The following SCN9A variants were observed in gnomAD, a reference collection of about 807,000 sequenced individuals.
The protein encoded by SCN9A is sodium channel protein type 9 subunit alpha.
In SCN9A, 131 loss-of-function variants were observed where a neutral mutation model predicts 187.0. The observed-to-expected ratio is 0.70, with a 90% confidence interval of 0.61 to 0.81. The LOEUF (loss-of-function observed/expected upper bound fraction) is 0.81, where lower values mean the gene tolerates loss of function less well. Ranked by LOEUF, SCN9A falls within the 30% of genes least tolerant of loss-of-function variation. The pLI, the probability that SCN9A is intolerant of heterozygous loss-of-function variation, is 0.00. For synonymous variants in SCN9A, 809 were observed against 808.6 expected (o/e 1.00, Z -0.01); for missense variants, 2,252 against 2,396.6 (o/e 0.94, Z 1.26).
intron 9 of SCN9A, among the ~76,000 whole-genome samples, chr2:166,290,908 C>T (rs1164784416): frequency 6.6e-6 from 1 of 152,098 alleles, no homozygotes; most frequent in Non-Finnish European, 1.5e-5. Context: ...TATCAATAAA[C>T]TAGGTATTGA....
At chr2:166,256,851 C>G (rs2106434982) in intron 17 of SCN9A, among the ~76,000 whole-genome samples, 1 of 151,594 alleles carries the variant, frequency 6.6e-6, no homozygotes, top group East Asian at 2.0e-4. Context: ...TCACGGAGAC[C>G]TCTTCTTTTT....
chr2:166,317,101 A>G (rs1259662964), intron 1 of SCN9A, among the ~76,000 whole-genome samples: 1 of 151,824 alleles, frequency 6.6e-6, no homozygotes. Context: ...ATTTAAATAC[A>G]CAATGCATTT....
chr2:166,335,995 G>T (rs1699616910), intron 1 of SCN9A, among the ~76,000 whole-genome samples: 1 of 152,032 alleles, frequency 6.6e-6, no homozygotes, highest in African/African-American at 2.4e-5. Context: ...ATGATTTAAA[G>T]TATACGGTAG....
intron 17 of SCN9A, among the ~76,000 whole-genome samples, chr2:166,253,791 G>A (rs962610957): frequency 8.4e-4 from 127 of 151,854 alleles, no homozygotes; most frequent in African/African-American, 2.9e-3. Context: ...GGGTTTTGAG[G>A]TAAAGCAGTG....
chr2:166,305,863 G>A lies in SCN9A; in HGVS notation c.525C>T (p.Gly175=). ...GAAAAGTGAATTCTCCTACACAGAA[G>A]CCTCTTGCAAGGATTTTTACAAGTG... The part of the protein sequence containing the change: ...FESLVKILAR[G]FCVGEFTFLR... The change falls in exon 5 of 27, where the codon GGC becomes GGT. Residue 175 remains glycine (G), a synonymous_variant. Coordinates refer to ENST00000642356, the MANE Select transcript of SCN9A (RefSeq NM_001365536.1). The A allele has an allele frequency of 1.2e-6, 2 of 1,613,318 alleles. No individual in the cohort carries two copies. The highest frequency in any genetic ancestry group is 1.7e-6 in the Non-Finnish European group (2 of 1,179,526).
chr2:166,342,168 A>C (rs1323705845), intron 1 of SCN9A, among the ~76,000 whole-genome samples: 2 of 152,214 alleles, frequency 1.3e-5, no homozygotes, highest in African/African-American at 2.4e-5. Flanking sequence ...ACACATCAGC[A>C]CGTATGTATA....
At chr2:166,294,766 G>A in intron 7 of SCN9A, 104 bp from the exon 8 acceptor site, 1 of 679,850 alleles carries the variant, frequency 1.5e-6, no homozygotes, top group Non-Finnish European at 2.3e-6. Flanking sequence ...ACAAATTCAG[G>A]CCTGGTCCCA....
rs771245206 is a variant in SCN9A, at chr2:166,204,061, G to T, written c.4668C>A (p.Ile1556=). The T allele has an allele frequency of 9.9e-6, 16 of 1,611,910 alleles. No individual in the cohort carries two copies. The highest frequency in any genetic ancestry group is 1.3e-5 in the Non-Finnish European group (15 of 1,178,518). The change falls in exon 26 of 27, where the codon ATC becomes ATA. Residue 1556 remains isoleucine (I), a synonymous_variant. Coordinates refer to ENST00000642356, the MANE Select transcript of SCN9A (RefSeq NM_001365536.1). The part of the protein sequence containing the change: ...VLYWINVVFI[I]LFTGECVLKL... ...TTAGCACACATTCTCCAGTGAAAAG[G>T]ATTATAAAAACCACATTTATCCAAT...
chr2:166,223,371 T>C (rs185851524), intron 24 of SCN9A, among the ~76,000 whole-genome samples: 3,141 of 151,294 alleles, frequency 0.021, 114 homozygotes, highest in African/African-American at 0.073. Context: ...CGTGTGCACG[T>C]ACACACACAC....
chr2:166,280,393 A>G lies in SCN9A; in HGVS notation c.2307T>C (p.Thr769=), dbSNP rs1166624040. 5.0e-6 allele frequency: 8 copies of G among 1,586,466 alleles called. No individual in the cohort carries two copies. The highest frequency in any genetic ancestry group is 6.9e-6 in the Non-Finnish European group (8 of 1,164,334). ...LFMAMEHHPM[T]EEFKNVLAIG... Reference sequence around the variant, plus strand: ...TAGCAAGTACATTTTTGAATTCCTCAGTCATTGGGTGGTGTTCCATAGCCA... The same window carrying G: ...TAGCAAGTACATTTTTGAATTCCTCGGTCATTGGGTGGTGTTCCATAGCCA... The change falls in exon 14 of 27, where the codon ACT becomes ACC. Residue 769 remains threonine, a synonymous_variant. Coordinates refer to ENST00000642356, the MANE Select transcript of SCN9A (RefSeq NM_001365536.1).
chr2:166,217,396 C>G (rs1220014288), intron 24 of SCN9A, among the ~76,000 whole-genome samples: 1 of 151,788 alleles, frequency 6.6e-6, no homozygotes, highest in African/African-American at 2.4e-5. Flanking sequence ...TTACAGCAAA[C>G]GAAGCAATAA....
chr2:166,364,673 G>C (rs1420664147), intron 1 of SCN9A, among the ~76,000 whole-genome samples: 1 of 152,068 alleles, frequency 6.6e-6, no homozygotes, highest in African/African-American at 2.4e-5. Flanking sequence ...GGGTGATAGG[G>C]GAAGAGAGGA....
At chr2:166,236,893 C>T (rs1449843822) in intron 20 of SCN9A, among the ~76,000 whole-genome samples, 4 of 152,086 alleles carry the variant, frequency 2.6e-5, no homozygotes, top group African/African-American at 9.7e-5. Flanking sequence ...TTCTTAAAAG[C>T]TCGATAATGC....
At chr2:166,370,338 T>C (rs184228905) in intron 1 of SCN9A, among the ~76,000 whole-genome samples, 1,769 of 151,008 alleles carry the variant, frequency 0.012, 15 homozygotes, top group South Asian at 0.032. Flanking sequence ...GGTCAGGAGA[T>C]TGAGACCATC....
At chr2:166,222,054 C>A (rs920943830) in intron 24 of SCN9A, among the ~76,000 whole-genome samples, 3 of 152,104 alleles carry the variant, frequency 2.0e-5, no homozygotes, top group African/African-American at 4.8e-5. Context: ...TGATACTGTT[C>A]TTGACAATGA....
At chr2:166,277,819 T>G (rs892935679) in intron 15 of SCN9A, 2 of 261,948 alleles carry the variant, frequency 7.6e-6, no homozygotes, top group Non-Finnish European at 1.4e-5. Context: ...CATAAAGTTA[T>G]GAACATATAA....
At chr2:166,247,273 A>G (rs1695835552) in intron 18 of SCN9A, among the ~76,000 whole-genome samples, 1 of 151,774 alleles carries the variant, frequency 6.6e-6, no homozygotes, top group South Asian at 2.1e-4. Flanking sequence ...TAATTTAAAA[A>G]TTGATTATGA....
At chr2:166,295,000 G>T (rs1053994896) in intron 7 of SCN9A, among the ~76,000 whole-genome samples, 4 of 152,152 alleles carry the variant, frequency 2.6e-5, no homozygotes, top group Non-Finnish European at 5.9e-5. Context: ...AGTGATAAAT[G>T]ATCTAAAGAA....
At position 166,199,416 on chromosome 2, in the gene SCN9A, A is replaced by G. The variant is rs775277644; in HGVS notation, c.5223T>C (p.Val1741=). The G allele has an allele frequency of 6.2e-7, 1 of 1,614,190 alleles. No individual in the cohort carries two copies. The highest frequency in any genetic ancestry group is 8.5e-7 in the Non-Finnish European group (1 of 1,180,026). Residue 1741 remains valine, a synonymous_variant, in exon 27 of 27, where the codon GTT becomes GTC. Coordinates refer to ENST00000642356, the MANE Select transcript of SCN9A (RefSeq NM_001365536.1). ...GNPSVGIFYF[V]SYIIISFLVV... ...CCAGGAAGGATATGATGATATAACT[A>G]ACAAAGTAGAATATTCCAACAGATG...
Sources: allele counts gnomAD v4.1 joint callset (sites outside exome capture counted in the v4.1 genomes callset), GRCh38; gene constraint gnomAD v4.1.1; transcripts MANE v1.5; gene names NCBI Gene and HGNC (gene_info 2026-07-23, HGNC 2026-07-21).